ADGRB3: variants seen among roughly 807,000 people sequenced by gnomAD.
The protein encoded by ADGRB3 is adhesion G protein-coupled receptor B3, also known as brain-specific angiogenesis inhibitor 3.
A neutral mutation model predicts 193.4 loss-of-function variants in ADGRB3; 37 were observed. The ratio of observed to expected loss-of-function variants is 0.19; its 90% CI spans 0.15 to 0.25. The LOEUF (loss-of-function observed/expected upper bound fraction) is 0.25. ADGRB3 is among the 10% of genes least tolerant of loss of function. The pLI is 1.00. For missense variants in ADGRB3, 1,637 were observed against 1,852.9 expected, an observed-to-expected ratio of 0.88 and a Z score of 2.14; for synonymous variants, 690 against 644.2, an observed-to-expected ratio of 1.07 and a Z score of -1.08.
chr6:69,159,202 C>T (rs886299161), intron 17 of ADGRB3, among the ~76,000 whole-genome samples: 1 of 152,022 alleles, frequency 6.6e-6, no homozygotes, highest in Non-Finnish European at 1.5e-5. Flanking sequence ...TTTCACACTC[C>T]TCCTAATCTA....
Position 68,659,709 on chromosome 6 carries a change from C to T in ADGRB3, c.757+20277C>T, listed in dbSNP as rs192231385. ...ATTATGTGAAAGGACTTTAGGTACACGATTAAAAATATTCTAGCATTTGCA... is the reference window on the plus strand; with the variant it reads ...ATTATGTGAAAGGACTTTAGGTACATGATTAAAAATATTCTAGCATTTGCA... On this transcript the variant is annotated intron_variant, in intron 3 of 31. Coordinates refer to ENST00000370598, the MANE Select transcript of ADGRB3 (RefSeq NM_001704.3). Among the ~76,000 whole-genome samples, 17 of 150,914 alleles carry T rather than the reference C, an allele frequency of 1.1e-4. No individual in the cohort carries two copies. In the East Asian group the frequency reaches 1.8e-3, roughly 16 times the overall value.
intron 17 of ADGRB3, among the ~76,000 whole-genome samples, chr6:69,106,164 T>TAAAAAAAAAAA (rs61114782): frequency 0.087 from 7,674 of 88,694 alleles, 332 homozygotes; most frequent in Non-Finnish European, 0.12. Flanking sequence ...GAGACTGCGT[T>TAAAAAAAAAAA]AAAAAAAAAA....
chr6:68,815,644 T>TGTGTGGGTGG (rs1767619293), intron 3 of ADGRB3, among the ~76,000 whole-genome samples: 1 of 146,450 alleles, frequency 6.8e-6, no homozygotes, highest in Non-Finnish European at 1.5e-5. Context: ...TGTGTGTGCA[T>TGTGTGGGTGG]GTAGATCTCA....
intron 3 of ADGRB3, among the ~76,000 whole-genome samples, chr6:68,856,850 C>T (rs1765002589): frequency 6.6e-6 from 1 of 152,200 alleles, no homozygotes; most frequent in Non-Finnish European, 1.5e-5. Flanking sequence ...CCATCACAGG[C>T]CCAGAGGCCT....
At chr6:68,802,206 G>T (rs183843822) in intron 3 of ADGRB3, among the ~76,000 whole-genome samples, 1 of 148,430 alleles carries the variant, frequency 6.7e-6, no homozygotes, top group African/African-American at 2.6e-5. Flanking sequence ...GTGTGTGTGT[G>T]TGTGTATGTG....
intron 3 of ADGRB3, among the ~76,000 whole-genome samples, chr6:68,824,171 CTT>C (rs1235857696): frequency 1.1e-4 from 16 of 151,958 alleles, no homozygotes; most frequent in African/African-American, 3.6e-4. Flanking sequence ...GACCATGAAA[CTT>C]ATATTAGATC....
chr6:68,972,758 A>T (rs1219613356), intron 8 of ADGRB3, among the ~76,000 whole-genome samples: 1 of 152,228 alleles, frequency 6.6e-6, no homozygotes, highest in Non-Finnish European at 1.5e-5. Context: ...GTAAGGAAGA[A>T]GTAAGGTATG....
chr6:68,997,561 C>T (rs546321009), intron 11 of ADGRB3, among the ~76,000 whole-genome samples: 26 of 149,228 alleles, frequency 1.7e-4, no homozygotes, highest in African/African-American at 4.9e-4. Context: ...GAGCCTGAGG[C>T]GGTATCTCTT....
intron 17 of ADGRB3, among the ~76,000 whole-genome samples, chr6:69,178,387 G>T (rs1449673230): frequency 6.6e-6 from 1 of 151,830 alleles, no homozygotes; most frequent in African/African-American, 2.4e-5. Flanking sequence ...TGGTTTTTTT[G>T]TTTGTTTGTT....
intron 3 of ADGRB3, among the ~76,000 whole-genome samples, chr6:68,904,928 A>G (rs1438417646): frequency 6.6e-6 from 1 of 152,176 alleles, no homozygotes; most frequent in Non-Finnish European, 1.5e-5. Flanking sequence ...AAAAATGAAA[A>G]TCTTTCTTCT....
rs551997396 is a variant in ADGRB3 at position 68,749,108 on chromosome 6, T to TGACCAAGAG, written c.757+109677_757+109678insACCAAGAGG. On this transcript the variant is annotated intron_variant, in intron 3 of 31. Transcript: ENST00000370598. ...AACCACTTTTTCCTCCTGGGCCTCT[T>TGACCAAGAG]GGTCTATGATGGGAGGGGCTGCCAT... is the stretch of plus-strand genomic sequence containing the variant. 3.7e-4 allele frequency among the ~76,000 whole-genome samples: 57 copies of TGACCAAGAG among 152,242 alleles called. No homozygotes were observed. In the South Asian group the frequency reaches 0.011, roughly 31 times the overall value.
At chr6:69,341,475 T>G (rs950783717) in intron 26 of ADGRB3, among the ~76,000 whole-genome samples, 17 of 152,218 alleles carry the variant, frequency 1.1e-4, no homozygotes, top group Non-Finnish European at 1.6e-4. Flanking sequence ...ATGTAGAAAT[T>G]CAATGAAAAC....
intron 3 of ADGRB3, among the ~76,000 whole-genome samples, chr6:68,782,541 T>A (rs1458207463): frequency 6.6e-6 from 1 of 152,154 alleles, no homozygotes; most frequent in East Asian, 1.9e-4. Flanking sequence ...CCCTGAGGAA[T>A]CGCCACACTG....
rs948230639 is a variant in ADGRB3 at position 69,259,628 on chromosome 6, A to C, written c.2814+20402A>C. 5.1e-4 allele frequency among the ~76,000 whole-genome samples: 76 copies of C among 148,954 alleles called. 2 individuals are homozygous for C. The Admixed American group carries it at 5.2e-3, about 10-fold the overall frequency. ...GGAGAATGGCATGAACTCGGGAGGC[A>C]GAGCTTGCAGTGAGCCGAGATGGCG... On this transcript the variant is annotated intron_variant, in intron 20 of 31. Coordinates refer to ENST00000370598, the MANE Select transcript of ADGRB3 (RefSeq NM_001704.3).
intron 22 of ADGRB3, among the ~76,000 whole-genome samples, chr6:69,329,376 C>G (rs1055957922): frequency 2.0e-5 from 3 of 152,124 alleles, no homozygotes; most frequent in African/African-American, 7.2e-5. Context: ...TATACATACA[C>G]ATATTTGGGT....
intron 20 of ADGRB3, among the ~76,000 whole-genome samples, chr6:69,266,757 A>G (rs1767050186): frequency 6.6e-6 from 1 of 152,102 alleles, no homozygotes; most frequent in Admixed American, 6.6e-5. Context: ...AATGATGTTT[A>G]TTTGGAGATA....
At chr6:69,181,458 T>C (rs969669677) in intron 17 of ADGRB3, among the ~76,000 whole-genome samples, 12 of 152,280 alleles carry the variant, frequency 7.9e-5, no homozygotes, top group African/African-American at 2.9e-4. Context: ...ATGCACGATA[T>C]ATGCATTATA....
At chr6:68,887,589 A>G (rs1765946769) in intron 3 of ADGRB3, among the ~76,000 whole-genome samples, 1 of 152,064 alleles carries the variant, frequency 6.6e-6, no homozygotes, top group South Asian at 2.1e-4. Context: ...GTGCCATGAT[A>G]AAAAATCAAG....
intron 11 of ADGRB3, 58 bp downstream of exon 11, chr6:68,994,020 C>T (rs1769315400): frequency 1.9e-6 from 3 of 1,552,216 alleles, no homozygotes; most frequent in South Asian, 1.2e-5. Flanking sequence ...AGTTTTTGGT[C>T]CCACGAAGCC....
Sources: allele counts gnomAD v4.1 joint callset (sites outside exome capture counted in the v4.1 genomes callset), GRCh38; gene constraint gnomAD v4.1.1; transcripts MANE v1.5; gene names NCBI Gene and HGNC (gene_info 2026-07-23, HGNC 2026-07-21).